The following DUSP15 variants were observed in gnomAD, a reference collection of about 807,000 sequenced individuals.
DUSP15 encodes dual specificity protein phosphatase 15.
DUSP15 carries 23 observed loss-of-function variants against 26.3 expected under a neutral mutation model. The observed-to-expected ratio is 0.87, with a 90% CI of 0.63 to 1.24. DUSP15 has a LOEUF of 1.24. DUSP15 is among the 50% of genes most tolerant of loss of function. The pLI is 0.00. For missense variants in DUSP15, 364 were observed against 320.6 expected (o/e 1.14, Z -1.03); for synonymous variants, 143 against 135.5 (o/e 1.06, Z -0.39).
At position 31,870,348 on chromosome 20, in the gene DUSP15, G is replaced by A; in HGVS notation, c.-11C>T. The A allele has an allele frequency of 7.8e-7, 1 of 1,277,128 alleles. No homozygotes were observed. The highest frequency in any genetic ancestry group is 9.9e-7 in the Non-Finnish European group (1 of 1,012,406). 79.1% of individuals were successfully genotyped at this position (1,277,128 alleles called of 1,614,324 possible). ...CATGCCATTGCCCATGATCCCGGGG[G>A]CGGCGGTCCGGGTGCACCCCCAGCT... On this transcript the variant is annotated 5_prime_UTR_variant, in exon 1 of 7. Transcript: ENST00000339738. The surrounding 1 kb of genome is among the most constrained non-coding windows in gnomAD (Gnocchi z 6.6).
chr20:31,867,180 A>G, intron 2 of DUSP15, 27 bp from the exon 3 acceptor site: 1 of 1,561,810 alleles, frequency 6.4e-7, no homozygotes, highest in Non-Finnish European at 8.7e-7. Context: ...GCTTGAGCCA[A>G]TCTGGCTGGC....
In DUSP15 at chr20:31,863,971, A is replaced by C; in HGVS notation, c.199T>G (p.Phe67Val). The change falls in exon 5 of 7, where the codon TTC becomes GTC. Residue 67 changes from phenylalanine to valine, a missense_variant. Phe to Val is a conservative substitution (Grantham distance 50). Transcript: ENST00000339738. ...TGGATGAAGTTGATACATTCTTTGA[A>C]GTGCTTTTTGCTAGAGGAGAAAGCA... ...DTPEVPIKKHFKECINFIHCC... is the reference protein window; with the variant it reads ...DTPEVPIKKHVKECINFIHCC... 2 of 1,614,078 alleles carry C rather than the reference A, an allele frequency of 1.2e-6. No homozygotes were observed. The highest frequency in any genetic ancestry group is 1.7e-6 in the Non-Finnish European group (2 of 1,179,984).
intron 6 of DUSP15, among the ~76,000 whole-genome samples, chr20:31,855,515 A>G (rs1401146161): frequency 3.3e-5 from 5 of 152,192 alleles, no homozygotes; most frequent in Non-Finnish European, 1.5e-5. Flanking sequence ...TTATTCCATG[A>G]GCTTTGGGCA....
At chr20:31,865,758 C>T (rs1487347277) in intron 3 of DUSP15, among the ~76,000 whole-genome samples, 2 of 152,142 alleles carry the variant, frequency 1.3e-5, no homozygotes, top group Non-Finnish European at 2.9e-5. Context: ...GCATCTTTGG[C>T]AAGGTTTGCA....
chr20:31,862,608 T>G lies in DUSP15; in HGVS notation c.398A>C (p.Gln133Pro). Residue 133 changes from glutamine (Q) to proline (P), a missense_variant, in exon 6 of 7, where the codon CAG (glutamine) becomes CCG (proline). Transcript: ENST00000339738. Reference sequence around the variant, plus strand: ...GGCCCAGCCAAACTCTTCAAGCTGCTGCCTAAAGCCTGGGTTGGGGTTGGC... The same window carrying G: ...GGCCCAGCCAAACTCTTCAAGCTGCGGCCTAAAGCCTGGGTTGGGGTTGGC... ...PIANPNPGFR[Q>P]QLEEFGWASS... is the part of the protein sequence containing the mutation. The G allele has an allele frequency of 6.2e-7, 1 of 1,613,972 alleles. No homozygotes were observed. The highest frequency in any genetic ancestry group is 8.5e-7 in the Non-Finnish European group (1 of 1,179,910).
In DUSP15 at chr20:31,862,629, T is replaced by C. The variant is rs750873648; in HGVS notation, c.377A>G (p.Asn126Ser). Reference sequence around the variant, plus strand: ...CTGCTGCCTAAAGCCTGGGTTGGGGTTGGCGATGGGCCTGGTGGCCTTGAT... The same window carrying C: ...CTGCTGCCTAAAGCCTGGGTTGGGGCTGGCGATGGGCCTGGTGGCCTTGAT... Reference protein sequence around the residue: ...EAIKATRPIANPNPGFRQQLE... With the variant: ...EAIKATRPIASPNPGFRQQLE... The change falls in exon 6 of 7, where the codon AAC (asparagine) becomes AGC (serine). Residue 126 changes from asparagine (N) to serine (S), a missense_variant. By Grantham distance (46) the Asn-to-Ser change is conservative. Coordinates refer to ENST00000339738, the MANE Select transcript of DUSP15 (RefSeq NM_080611.5). The C allele has an allele frequency of 2.5e-6, 4 of 1,614,032 alleles. No homozygotes were observed. The highest frequency in any genetic ancestry group is 3.4e-6 in the Non-Finnish European group (4 of 1,179,974).
intron 6 of DUSP15, chr20:31,850,815 A>G: frequency 1.1e-6 from 1 of 885,874 alleles, no homozygotes; most frequent in Non-Finnish European, 1.8e-6. Flanking sequence ...CTGGAGGAGG[A>G]TGGGTGGTAG....
intron 6 of DUSP15, 41 bp downstream of exon 6, chr20:31,862,530 T>G (rs2062682393): frequency 6.5e-7 from 1 of 1,539,764 alleles, no homozygotes; most frequent in African/African-American, 1.4e-5. Context: ...AAGAAGGATC[T>G]CCCACCCCTG....
downstream of DUSP15, among the ~76,000 whole-genome samples, chr20:31,847,106 G>A (rs527617737): frequency 2.6e-5 from 4 of 152,162 alleles, no homozygotes; most frequent in South Asian, 8.3e-4. Context: ...CTCTGTACCA[G>A]GCCAGCTCAC....
chr20:31,846,514 TGA>T (rs2062380697), downstream of DUSP15, among the ~76,000 whole-genome samples: 1 of 135,822 alleles, frequency 7.4e-6, no homozygotes, highest in Non-Finnish European at 1.6e-5. Context: ...CCCCCTAGAG[TGA>T]GAGAAGCCCC....
chr20:31,857,471 C>A (rs1261568417), downstream of DUSP15, among the ~76,000 whole-genome samples: 1 of 152,112 alleles, frequency 6.6e-6, no homozygotes, highest in African/African-American at 2.4e-5. Flanking sequence ...CTGGTTTTGA[C>A]CCTCCCCTAC....
At position 31,850,629 on chromosome 20, in the gene DUSP15, C is replaced by T. The variant is rs570558315; in HGVS notation, c.474G>A (p.Pro158=). Residue 158 remains proline, a synonymous_variant, in exon 7 of 10, where the codon CCG becomes CCA. Coordinates refer to the DUSP15 transcript ENST00000278979. Reference sequence around the variant, plus strand: ...TTCCTTACCAGGTTGCTGAAGTCATCGGAGGGCATTGGGCACCAGAGGTTT... The same window carrying T: ...TTCCTTACCAGGTTGCTGAAGTCATTGGAGGGCATTGGGCACCAGAGGTTT... 3.2e-5 allele frequency: 51 copies of T among 1,611,750 alleles called. No individual in the cohort carries two copies. The East Asian group carries it at 4.7e-4, about 15-fold the overall frequency.
In DUSP15 at chr20:31,862,702, A is replaced by G. The variant is rs554469452; in HGVS notation, c.304T>C (p.Tyr102His). The stretch of plus-strand genomic sequence containing the variant: ...CCTAGCCCCGTCACAGTCATCACAT[A>G]CGCTGTCACAATCGTGGTGCTGCGA... The part of the protein sequence containing the change: ...ISRSTTIVTA[Y>H]VMTVTGLGWR... The change falls in exon 6 of 7, where the codon TAT (tyrosine) becomes CAT (histidine). Residue 102 changes from tyrosine to histidine, a missense_variant. Physicochemically the swap from Tyr to His is moderately conservative, Grantham distance 83 (BLOSUM62 2). Transcript: ENST00000339738. The G allele has an allele frequency of 6.2e-7, 1 of 1,613,498 alleles. No homozygotes were observed. Among genetic ancestry groups the G allele is most frequent in the Non-Finnish European group, 8.5e-7 (1 of 1,179,574 alleles).
At chr20:31,869,926 G>A (rs2062882755) in intron 1 of DUSP15, 2 of 1,351,416 alleles carry the variant, frequency 1.5e-6, no homozygotes, top group Non-Finnish European at 1.9e-6. Flanking sequence ...AAATTCTGGG[G>A]CTGGGGAGGC....
At position 31,870,497 on chromosome 20, in the gene DUSP15, C is replaced by A; in HGVS notation, c.-160G>T. ...CCCAGCCCTGCCCAGCCACCGCCAC[C>A]GCCCGCCGACCCCCGGCCCGGGAGG... On this transcript the variant is annotated 5_prime_UTR_variant, in exon 1 of 7. Transcript: ENST00000339738. This position sits in a 1 kb window ranked among gnomAD's most constrained non-coding sequence, Gnocchi z 6.6. 1 of 1,390,938 alleles carries A rather than the reference C, an allele frequency of 7.2e-7. No homozygotes were observed. The allele number at this position is 1,390,938 out of a possible 1,614,324, so 86.2% of individuals were successfully genotyped here.
intron 1 of DUSP15, 91 bp from the exon 2 acceptor site, chr20:31,869,688 C>T: frequency 5.1e-6 from 8 of 1,559,228 alleles, no homozygotes; most frequent in Non-Finnish European, 7.0e-6. Context: ...CCCTCTCTGT[C>T]CCATGAAGGG....
At chr20:31,848,800 A>G (rs1600427948) in intron 9 of DUSP15, 1 of 1,606,936 alleles carries the variant, frequency 6.2e-7, no homozygotes, top group Non-Finnish European at 8.5e-7. Flanking sequence ...GGAAGGAGTG[A>G]CTCACGTCCG....
chr20:31,849,163 C>A (rs1327953624), intron 8 of DUSP15, among the ~76,000 whole-genome samples: 2 of 152,078 alleles, frequency 1.3e-5, no homozygotes, highest in Non-Finnish European at 2.9e-5. Context: ...CCCATGCCCA[C>A]TGCCACTCAC....
chr20:31,853,576 A>G (rs2095859767), intron 6 of DUSP15, among the ~76,000 whole-genome samples: 1 of 151,824 alleles, frequency 6.6e-6, no homozygotes, highest in Non-Finnish European at 1.5e-5. Context: ...AGTCCTAGCT[A>G]CTTGGGAGAG....
Sources: allele counts gnomAD v4.1 joint callset (sites outside exome capture counted in the v4.1 genomes callset), GRCh38; gene constraint gnomAD v4.1.1; non-coding constraint Gnocchi (gnomAD v3.1); transcripts MANE v1.5; gene names NCBI Gene and HGNC (gene_info 2026-07-23, HGNC 2026-07-21).